The following CUBN variants were observed in gnomAD, a reference collection of about 807,000 sequenced individuals.
The protein encoded by CUBN is cubilin, also known as 460 kDa receptor.
CUBN carries 282 observed loss-of-function variants against 405.3 expected under a neutral mutation model. The ratio of observed to expected loss-of-function variants is 0.70; its 90% CI spans 0.63 to 0.77. CUBN has a LOEUF of 0.77. Ranked by LOEUF, CUBN falls within the 30% of genes least tolerant of loss-of-function variation. CUBN has a pLI of 0.00. For missense variants in CUBN, 4,514 were observed against 4,475.2 expected (o/e 1.01, Z -0.25); for synonymous variants, 1,684 against 1,617.0 (o/e 1.04, Z -0.99).
chr10:16,955,373 T>A (rs1164815654), intron 31 of CUBN, among the ~76,000 whole-genome samples: 6 of 42,084 alleles, frequency 1.4e-4, no homozygotes, highest in South Asian at 1.2e-3. Flanking sequence ...AGATTCTGTC[T>A]CAAAAAAAAA....
At chr10:16,891,940 G>C (rs556557988) in intron 54 of CUBN, among the ~76,000 whole-genome samples, 1 of 152,148 alleles carries the variant, frequency 6.6e-6, no homozygotes, top group African/African-American at 2.4e-5. Context: ...TCTCAAACAA[G>C]GATGTAGTTG....
intron 45 of CUBN, among the ~76,000 whole-genome samples, chr10:16,917,076 T>C (rs1841904731): frequency 1.3e-5 from 2 of 152,024 alleles, no homozygotes; most frequent in South Asian, 4.2e-4. Flanking sequence ...CCTCCCAAAG[T>C]GCTAGGATTA....
chr10:16,889,577 A>G (rs1313649091), intron 55 of CUBN, among the ~76,000 whole-genome samples: 1 of 152,186 alleles, frequency 6.6e-6, no homozygotes, highest in Non-Finnish European at 1.5e-5. Flanking sequence ...CCCAAAGTTG[A>G]CTTAGCATGA....
chr10:16,873,721 C>CA (rs56307605), intron 58 of CUBN, among the ~76,000 whole-genome samples: 70,567 of 116,234 alleles, frequency 0.61, 20,680 homozygotes, highest in East Asian at 0.77. Flanking sequence ...GACCTTCTCT[C>CA]AAAAAAAAAA....
At chr10:16,851,088 G>A in intron 60 of CUBN, 147 bp downstream of exon 60, 1 of 662,466 alleles carries the variant, frequency 1.5e-6, no homozygotes, top group East Asian at 2.7e-5. Flanking sequence ...AATATTAAAT[G>A]TAGCATCACT....
At chr10:17,046,384 C>T (rs1337092910) in intron 23 of CUBN, among the ~76,000 whole-genome samples, 3 of 152,070 alleles carry the variant, frequency 2.0e-5, no homozygotes. Context: ...TCGAATAAAG[C>T]CTCTGGCAAA....
rs146232457 is a variant in CUBN, at chr10:16,906,383, G to A, written c.7732C>T (p.Pro2578Ser). 4 of 1,613,672 alleles carry A rather than the reference G, an allele frequency of 2.5e-6. No homozygotes were observed. In the African/African-American group the frequency reaches 5.3e-5, roughly 22 times the overall value. Residue 2578 changes from proline (P) to serine (S), a missense_variant, in exon 50 of 67, where the codon CCT becomes TCT. Physicochemically the swap from Pro to Ser is moderately conservative, Grantham distance 74. Around this residue, in one of 5 missense-constraint regions of CUBN, gnomAD observed 1,613 missense variants for 1,542.8 expected, o/e 1.05. Coordinates refer to ENST00000377833, the MANE Select transcript of CUBN (RefSeq NM_001081.4). ...AVCGGSLPNT[P>S]EGNFTSPGYD... ...CCAGGAGAAGTAAAGTTTCCTTCAG[G>A]AGTATTTGGAAGAGACCCACCACAC...
At chr10:16,932,737 A>C (rs972443085) in intron 40 of CUBN, among the ~76,000 whole-genome samples, 2 of 152,126 alleles carry the variant, frequency 1.3e-5, no homozygotes, top group African/African-American at 4.8e-5. Flanking sequence ...TTACAATTAT[A>C]AGTATTTTTT....
chr10:16,902,353 T>C (rs1377153565), intron 51 of CUBN, among the ~76,000 whole-genome samples: 1 of 146,150 alleles, frequency 6.8e-6, no homozygotes, highest in Non-Finnish European at 1.5e-5. Context: ...TTTGTGTATG[T>C]ATATTTTATG....
chr10:17,100,249 C>T lies in CUBN; in HGVS notation c.1531-10G>A, dbSNP rs1186254856. 2.0e-6 allele frequency: 3 copies of T among 1,510,018 alleles called. No homozygotes were observed. The highest frequency in any genetic ancestry group is 1.4e-5 in the African/African-American group (1 of 72,780). The allele number at this position is 1,510,018 out of a possible 1,614,324, so 93.5% of individuals were successfully genotyped here. A position where few individuals can be genotyped will look rare whatever the true frequency, so the allele number is the denominator to read the frequency against. On this transcript the variant is annotated splice_polypyrimidine_tract_variant and intron_variant, in intron 13 of 66. Coordinates refer to ENST00000377833, the MANE Select transcript of CUBN (RefSeq NM_001081.4). ...AAGTGATACGCAGGACCTAAAAATA[C>T]AAAGGCCACATATATTATCTTTTAC... is the stretch of plus-strand genomic sequence containing the variant.
chr10:16,844,376 A>G (rs943269581), intron 60 of CUBN, among the ~76,000 whole-genome samples: 2 of 152,238 alleles, frequency 1.3e-5, no homozygotes, highest in Admixed American at 1.3e-4. Context: ...GGCACGTGTC[A>G]ACAACTTCTG....
At chr10:16,953,180 G>C (rs1842964563) in intron 32 of CUBN, among the ~76,000 whole-genome samples, 1 of 152,204 alleles carries the variant, frequency 6.6e-6, no homozygotes, top group African/African-American at 2.4e-5. Context: ...GATGGGGTAA[G>C]GGTAGGTGAC....
intron 48 of CUBN, among the ~76,000 whole-genome samples, chr10:16,912,312 A>G (rs1164461369): frequency 1.3e-5 from 2 of 152,198 alleles, no homozygotes; most frequent in East Asian, 3.8e-4. Context: ...AAAAGGGATA[A>G]TGATAGTACC....
At chr10:17,092,502 G>A (rs117665848) in intron 14 of CUBN, among the ~76,000 whole-genome samples, 5,605 of 152,154 alleles carry the variant, frequency 0.037, 202 homozygotes, top group South Asian at 0.2. Flanking sequence ...GATACAGGTC[G>A]CAAAGACCTT....
chr10:16,978,541 A>G (rs942133779), intron 31 of CUBN, among the ~76,000 whole-genome samples: 9 of 152,234 alleles, frequency 5.9e-5, no homozygotes, highest in African/African-American at 1.4e-4. Flanking sequence ...CTAATCTTGT[A>G]AAATAATATT....
rs1358583598 is a variant in CUBN at position 16,836,257 on chromosome 10, C to T, written c.10158G>A (p.Met3386Ile). Reference sequence around the variant, plus strand: ...CACCTGCAATCTGATAGGTGAAACTCATTCTAGAGTTTCTGTTTACAACTC... The same window carrying T: ...CACCTGCAATCTGATAGGTGAAACTTATTCTAGAGTTTCTGTTTACAACTC... The part of the protein sequence containing the change: ...KSGVVNRNSR[M>I]SFTYQIADCN... Residue 3386 changes from methionine to isoleucine, a missense_variant, in exon 63 of 67, where the codon ATG becomes ATA. Physicochemically the swap from Met to Ile is conservative, Grantham distance 10 (BLOSUM62 1). Coordinates refer to ENST00000377833, the MANE Select transcript of CUBN (RefSeq NM_001081.4). The T allele has an allele frequency of 1.2e-6, 2 of 1,614,048 alleles. No homozygotes were observed. Among genetic ancestry groups the T allele is most frequent in the Middle Eastern group, 1.6e-4 (1 of 6,062 alleles).
intron 46 of CUBN, 92 bp from the exon 47 acceptor site, chr10:16,915,264 T>TA (rs973225574): frequency 6.7e-7 from 1 of 1,498,750 alleles, no homozygotes; most frequent in African/African-American, 1.4e-5. Context: ...AAGAAAATAA[T>TA]AAAAAACAAG....
At chr10:16,948,425 A>G in intron 35 of CUBN, 53 bp downstream of exon 35, 1 of 1,611,452 alleles carries the variant, frequency 6.2e-7, no homozygotes, top group South Asian at 1.1e-5. Flanking sequence ...ACAAACCAAG[A>G]ATTTCTACCA....
intron 16 of CUBN, 116 bp from the exon 17 acceptor site, chr10:17,084,577 T>C (rs978673787): frequency 2.4e-6 from 2 of 840,302 alleles, no homozygotes; most frequent in African/African-American, 3.4e-5. Context: ...CACATATCCA[T>C]TTTATTCACC....
Sources: allele counts gnomAD v4.1 joint callset (sites outside exome capture counted in the v4.1 genomes callset), GRCh38; gene constraint gnomAD v4.1.1; regional missense constraint gnomAD v4.1.1; transcripts MANE v1.5; gene names NCBI Gene and HGNC (gene_info 2026-07-23, HGNC 2026-07-21).